Variants in LPP observed in about 807,000 individuals in gnomAD.
LPP encodes the protein lipoma-preferred partner.
In LPP, 38 loss-of-function variants were observed where a neutral mutation model predicts 60.4. The ratio of observed to expected loss-of-function variants is 0.63; its 90% CI spans 0.49 to 0.83. The LOEUF is 0.83. LPP is among the 40% of genes least tolerant of loss of function. The probability of loss-of-function intolerance (pLI) is 0.00; values close to 1 mark genes in which losing one functional copy is unlikely to be tolerated. For synonymous variants in LPP, 328 were observed against 290.8 expected, an observed-to-expected ratio of 1.13 and a Z score of -1.30; for missense variants, 902 against 783.6, an observed-to-expected ratio of 1.15 and a Z score of -1.80.
intron 2 of LPP, among the ~76,000 whole-genome samples, chr3:188,312,068 C>A (rs1753635622): frequency 6.6e-6 from 1 of 152,082 alleles, no homozygotes; most frequent in African/African-American, 2.4e-5. Flanking sequence ...CTTTACTTCT[C>A]CCACCCAGAG....
At chr3:188,250,684 G>GCT (rs988196656) in intron 2 of LPP, among the ~76,000 whole-genome samples, 50 of 147,470 alleles carry the variant, frequency 3.4e-4, no homozygotes, top group Admixed American at 1.7e-3. Context: ...CCTCCCTCCC[G>GCT]CTCTCTCTCT....
chr3:188,518,075 C>G (rs1337726635), intron 5 of LPP, among the ~76,000 whole-genome samples: 1 of 152,142 alleles, frequency 6.6e-6, no homozygotes. Flanking sequence ...GAAGGCAGCT[C>G]CATGCTTCCT....
intron 9 of LPP, among the ~76,000 whole-genome samples, chr3:188,809,070 T>C (rs149412017): frequency 0.032 from 4,802 of 152,290 alleles, 241 homozygotes; most frequent in African/African-American, 0.11. Flanking sequence ...ATTTTCTTTA[T>C]CCAGTCTATT....
At chr3:188,511,425 G>A (rs769018492) in intron 5 of LPP, among the ~76,000 whole-genome samples, 21 of 148,470 alleles carry the variant, frequency 1.4e-4, no homozygotes, top group Non-Finnish European at 2.8e-4. Flanking sequence ...TATCCTAAAT[G>A]GAGAAGTAGA....
intron 2 of LPP, among the ~76,000 whole-genome samples, chr3:188,232,709 A>G (rs892210949): frequency 6.6e-6 from 1 of 152,094 alleles, no homozygotes; most frequent in African/African-American, 2.4e-5. Flanking sequence ...TATTAAAAGT[A>G]CATAGTAGGA....
chr3:188,157,920 T>G (rs571756913), intron 1 of LPP, among the ~76,000 whole-genome samples: 1 of 152,204 alleles, frequency 6.6e-6, no homozygotes, highest in South Asian at 2.1e-4. Context: ...AGAAGCTGCT[T>G]TATTCTCCAG....
At chr3:188,295,231 G>A (rs1476316858) in intron 2 of LPP, among the ~76,000 whole-genome samples, 2 of 152,206 alleles carry the variant, frequency 1.3e-5, no homozygotes, top group Admixed American at 1.3e-4. Flanking sequence ...ATTAATATCA[G>A]CTGAGTAATG....
At chr3:188,544,264 G>A (rs967923598) in intron 6 of LPP, among the ~76,000 whole-genome samples, 1 of 152,146 alleles carries the variant, frequency 6.6e-6, no homozygotes, top group African/African-American at 2.4e-5. Context: ...GGAGTGAAAA[G>A]ATACACATGT....
chr3:188,250,249 C>T (rs1728660190), intron 2 of LPP, among the ~76,000 whole-genome samples: 2 of 152,156 alleles, frequency 1.3e-5, no homozygotes, highest in Admixed American at 1.3e-4. Flanking sequence ...GGCATTGACA[C>T]TTTTGTTCTC....
At chr3:188,242,102 A>G (rs1725133664) in intron 2 of LPP, among the ~76,000 whole-genome samples, 1 of 152,102 alleles carries the variant, frequency 6.6e-6, no homozygotes, top group African/African-American at 2.4e-5. Flanking sequence ...AAGACAGATC[A>G]TTTCCTCAGT....
chr3:188,642,185 G>A lies in LPP; in HGVS notation c.1113+32341G>A, dbSNP rs62289969. Among the ~76,000 whole-genome samples the A allele has an allele frequency of 3.9e-5, 6 of 152,032 alleles. No homozygotes were observed. In the South Asian group the frequency reaches 6.2e-4, roughly 16 times the overall value. On this transcript the variant is annotated intron_variant, in intron 7 of 11. Transcript: ENST00000617246. Reference sequence around the variant, plus strand: ...TGAGGTTTATTTCAGAAAACCAGTAGTCAAGTACCCTTCTTCTCACTGAGC... The same window carrying A: ...TGAGGTTTATTTCAGAAAACCAGTAATCAAGTACCCTTCTTCTCACTGAGC...
intron 7 of LPP, among the ~76,000 whole-genome samples, chr3:188,637,643 A>C (rs1437396978): frequency 6.6e-6 from 1 of 152,084 alleles, no homozygotes; most frequent in Non-Finnish European, 1.5e-5. Flanking sequence ...AAAAAGAGAG[A>C]AGAATCAAAT....
chr3:188,241,067 A>G (rs566350363), intron 2 of LPP, among the ~76,000 whole-genome samples: 15 of 152,302 alleles, frequency 9.8e-5, no homozygotes, highest in Admixed American at 7.2e-4. Flanking sequence ...CTACATGTGA[A>G]ATGGGCACAG....
intron 2 of LPP, among the ~76,000 whole-genome samples, chr3:188,240,578 A>G (rs575129914): frequency 1.3e-5 from 2 of 152,276 alleles, no homozygotes; most frequent in East Asian, 1.9e-4. Context: ...AACTCATTCC[A>G]CTGTTATTGA....
chr3:188,802,969 T>A (rs1406423649), intron 9 of LPP, among the ~76,000 whole-genome samples: 2 of 152,014 alleles, frequency 1.3e-5, no homozygotes, highest in Non-Finnish European at 2.9e-5. Flanking sequence ...TATGCCTTTC[T>A]TTTTTCCTAA....
chr3:188,722,508 G>A (rs532978835), intron 8 of LPP, among the ~76,000 whole-genome samples: 6 of 152,302 alleles, frequency 3.9e-5, no homozygotes, highest in East Asian at 1.9e-4. Flanking sequence ...TCTGTGTGAC[G>A]TTAGTGACAT....
At position 188,609,408 on chromosome 3, in the gene LPP, A is replaced by T; in HGVS notation, c.677A>T (p.Lys226Met). Residue 226 changes from lysine to methionine, a missense_variant, in exon 7 of 12, where the codon AAG becomes ATG. By Grantham distance (95) the Lys-to-Met change is moderately conservative (BLOSUM62 -1). Transcript: ENST00000617246. The surrounding 1 kb of genome is among the most constrained non-coding windows in gnomAD (Gnocchi z 6.9). ...AGGCCTACCTTTAATGTGCAGGTGA[A>T]GTCAGCCCAGCCCAGCCCTCATTAT... Reference protein sequence around the residue: ...SSRPTFNVQVKSAQPSPHYMA... With the variant: ...SSRPTFNVQVMSAQPSPHYMA... The T allele has an allele frequency of 6.2e-7, 1 of 1,614,166 alleles. No individual in the cohort carries two copies. The highest frequency in any genetic ancestry group is 8.5e-7 in the Non-Finnish European group (1 of 1,180,042).
chr3:188,390,127 G>A (rs536641513), intron 3 of LPP, among the ~76,000 whole-genome samples: 24 of 152,262 alleles, frequency 1.6e-4, no homozygotes, highest in African/African-American at 4.1e-4. Flanking sequence ...CTGTGTCTCC[G>A]TGTCTTTGGT....
intron 9 of LPP, among the ~76,000 whole-genome samples, chr3:188,772,383 C>T (rs904252599): frequency 1.5e-4 from 23 of 152,220 alleles, no homozygotes; most frequent in African/African-American, 5.3e-4. Flanking sequence ...TAGGATTGAT[C>T]CTCACCACAA....
Sources: gnomAD v4.1 joint callset for allele counts (sites outside exome capture counted in the v4.1 genomes callset) on GRCh38, gnomAD v4.1.1 for gene constraint, Gnocchi (gnomAD v3.1) non-coding constraint, MANE v1.5 for transcripts, NCBI Gene and HGNC (gene_info 2026-07-23, HGNC 2026-07-21) for gene names.